The following SF3B3 variants were observed in gnomAD, a reference collection of about 807,000 sequenced individuals.
SF3B3 encodes splicing factor 3b subunit 3.
SF3B3 carries 33 observed loss-of-function variants against 139.2 expected under a neutral mutation model. That is an observed-to-expected ratio of 0.24 (90% CI 0.18 to 0.32). SF3B3 has a LOEUF of 0.32. Ranked by LOEUF, SF3B3 falls within the 10% of genes least tolerant of loss-of-function variation. The pLI is 1.00. For missense variants in SF3B3, 818 were observed against 1,509.4 expected, an observed-to-expected ratio of 0.54 and a Z score of 7.59; for synonymous variants, 596 against 563.6, an observed-to-expected ratio of 1.06 and a Z score of -0.81.
intron 11 of SF3B3, among the ~76,000 whole-genome samples, chr16:70,549,592 CT>C (rs1342314864): frequency 6.6e-6 from 1 of 152,100 alleles, no homozygotes; most frequent in Non-Finnish European, 1.5e-5. Flanking sequence ...TGTGTTCTTT[CT>C]TTTTTTCTTT....
chr16:70,525,403 C>G (rs1446382632), intron 1 of SF3B3, among the ~76,000 whole-genome samples: 1 of 152,022 alleles, frequency 6.6e-6, no homozygotes, highest in African/African-American at 2.4e-5. Flanking sequence ...GTTAAGGTGT[C>G]GCTGGAGAAC....
chr16:70,560,375 C>G (rs896999547), intron 15 of SF3B3, 94 bp from the exon 16 acceptor site: 7 of 1,328,362 alleles, frequency 5.3e-6, no homozygotes, highest in Non-Finnish European at 7.2e-6. Context: ...TCTATCTGCT[C>G]TAATTTCTTA....
intron 1 of SF3B3, among the ~76,000 whole-genome samples, chr16:70,525,499 GT>G: frequency 7.2e-6 from 1 of 138,638 alleles, no homozygotes; most frequent in Admixed American, 7.2e-5. Context: ...AAAGTAGACT[GT>G]TTTGATCAGC....
intron 15 of SF3B3, among the ~76,000 whole-genome samples, chr16:70,558,797 A>G (rs1197795497): frequency 6.6e-6 from 1 of 151,742 alleles, no homozygotes; most frequent in Non-Finnish European, 1.5e-5. Context: ...GGGTTTTGCC[A>G]TGTTGCTCAG....
intron 11 of SF3B3, 76 bp downstream of exon 11, chr16:70,548,518 A>G: frequency 3.2e-6 from 4 of 1,239,154 alleles, no homozygotes; most frequent in Non-Finnish European, 3.6e-6. Flanking sequence ...GGCTGCGTTC[A>G]TAATACTTCT....
intron 15 of SF3B3, among the ~76,000 whole-genome samples, chr16:70,559,824 A>T (rs1053281356): frequency 1.4e-4 from 21 of 150,568 alleles, no homozygotes; most frequent in Non-Finnish European, 2.4e-4. Flanking sequence ...GTTGGTCTTT[A>T]GCTCTTGGCC....
At position 70,564,783 on chromosome 16, in the gene SF3B3, T is replaced by C. The variant is rs540398741; in HGVS notation, c.2464-282T>C. Among the ~76,000 whole-genome samples the C allele has an allele frequency of 2.6e-5, 4 of 152,354 alleles. No individual in the cohort carries two copies. The East Asian group carries it at 7.7e-4, about 29-fold the overall frequency. On this transcript the variant is annotated intron_variant, in intron 18 of 25. Transcript: ENST00000302516. ...AAAGTGGAGTTTCCGTTGTCATTTTTCTCAAGCCACTAGTCCAATATTTGT... is the reference window on the plus strand; with the variant it reads ...AAAGTGGAGTTTCCGTTGTCATTTTCCTCAAGCCACTAGTCCAATATTTGT...
At chr16:70,526,982 G>A (rs183584003) in intron 2 of SF3B3, 13 of 554,778 alleles carry the variant, frequency 2.3e-5, no homozygotes, top group East Asian at 2.2e-4. Flanking sequence ...GTGCCAAGTC[G>A]TGTGCCTATT....
Position 70,572,320 on chromosome 16 carries a change from C to G in SF3B3, c.*507C>G. ...GTGACTGGCATCCATGTGTCTTGTT[C>G]TGGAGATGAGGATGTAGGTGGGAGG... On this transcript the variant is annotated 3_prime_UTR_variant, in exon 26 of 26. Transcript: ENST00000302516. 4 of 298,088 alleles carry G rather than the reference C, an allele frequency of 1.3e-5. No homozygotes were observed. The highest frequency in any genetic ancestry group is 5.7e-4 in the Middle Eastern group (1 of 1,766). 18.5% of individuals were successfully genotyped at this position (298,088 alleles called of 1,614,324 possible). A position where few individuals can be genotyped will look rare whatever the true frequency, so the allele number is the denominator to read the frequency against.
intron 8 of SF3B3, among the ~76,000 whole-genome samples, chr16:70,540,207 C>T (rs1174099814): frequency 6.6e-6 from 1 of 150,598 alleles, no homozygotes; most frequent in African/African-American, 2.4e-5. Flanking sequence ...CCAGCCTGAC[C>T]AACATGGAGA....
intron 20 of SF3B3, among the ~76,000 whole-genome samples, chr16:70,567,110 A>G (rs1338217434): frequency 3.3e-5 from 5 of 152,054 alleles, no homozygotes; most frequent in Admixed American, 2.0e-4. Flanking sequence ...TCCACAAATT[A>G]CAGTCACTTG....
At chr16:70,564,651 C>T (rs1169532474) in intron 18 of SF3B3, among the ~76,000 whole-genome samples, 1 of 152,188 alleles carries the variant, frequency 6.6e-6, no homozygotes, top group Admixed American at 6.5e-5. Context: ...TTCTAGAACT[C>T]ATTGCCTAGC....
chr16:70,525,971 AAAAAAAAAAGG>A (rs2050059440), intron 1 of SF3B3, among the ~76,000 whole-genome samples: 2 of 142,926 alleles, frequency 1.4e-5, no homozygotes, highest in South Asian at 2.2e-4. Context: ...AAAAAAAAAA[AAAAAAAAAAGG>A]AAAAAAAAAA....
chr16:70,554,670 G>A, intron 12 of SF3B3, 73 bp downstream of exon 12: 1 of 1,488,928 alleles, frequency 6.7e-7, no homozygotes, highest in Non-Finnish European at 9.3e-7. Context: ...GCAGGCTGCT[G>A]TGTTCATGTC....
chr16:70,523,881 A>G lies in SF3B3; in HGVS notation c.-118A>G. 1 of 491,656 alleles carries G rather than the reference A, an allele frequency of 2.0e-6. No individual in the cohort carries two copies. Among genetic ancestry groups the G allele is most frequent in the Non-Finnish European group, 3.6e-6 (1 of 280,140 alleles). 30.5% of individuals were successfully genotyped at this position (491,656 alleles called of 1,614,324 possible). On this transcript the variant is annotated 5_prime_UTR_variant, in exon 1 of 26. Coordinates refer to ENST00000302516, the MANE Select transcript of SF3B3 (RefSeq NM_012426.5). ...GAGTTGGTGGTGGCTTAAGTTTTGA[A>G]GGGAGGTAGCATCCGTTGGATATCC...
At chr16:70,562,444 C>T (rs528562115) in intron 17 of SF3B3, among the ~76,000 whole-genome samples, 1 of 152,314 alleles carries the variant, frequency 6.6e-6, no homozygotes, top group African/African-American at 2.4e-5. Flanking sequence ...AATTTCTTTG[C>T]AACAACTTTC....
intron 12 of SF3B3, 34 bp downstream of exon 12, chr16:70,554,631 C>T (rs2050362366): frequency 4.3e-6 from 7 of 1,611,166 alleles, no homozygotes; most frequent in Non-Finnish European, 5.9e-6. Context: ...ACTTGGCCTG[C>T]TTTGTTCTTT....
Position 70,572,071 on chromosome 16 carries a change from C to T in SF3B3, c.*258C>T, listed in dbSNP as rs2050534675. The T allele has an allele frequency of 1.6e-6, 1 of 631,994 alleles. No homozygotes were observed. Among genetic ancestry groups the T allele is most frequent in the African/African-American group, 1.8e-5 (1 of 55,820 alleles). 39.1% of individuals were successfully genotyped at this position (631,994 alleles called of 1,614,324 possible). A position where few individuals can be genotyped will look rare whatever the true frequency, so the allele number is the denominator to read the frequency against. ...CAGGTTCCAGTGTAGAACCTGAGTC[C>T]CCCATTCCCCAAAGCCATCCCTGCA... On this transcript the variant is annotated 3_prime_UTR_variant, in exon 26 of 26. Transcript: ENST00000302516.
At chr16:70,526,447 C>G in intron 1 of SF3B3, 140 bp from the exon 2 acceptor site, 1 of 507,830 alleles carries the variant, frequency 2.0e-6, no homozygotes, top group South Asian at 3.1e-5. Context: ...ACCTCGTGAG[C>G]CACCACGCCC....
Sources: allele counts gnomAD v4.1 joint callset (sites outside exome capture counted in the v4.1 genomes callset), GRCh38; gene constraint gnomAD v4.1.1; transcripts MANE v1.5; gene names NCBI Gene and HGNC (gene_info 2026-07-23, HGNC 2026-07-21).